Variants in ADGRE5 observed in about 807,000 individuals in gnomAD.
ADGRE5 encodes the protein adhesion G protein-coupled receptor E5.
A neutral mutation model predicts 100.3 loss-of-function variants in ADGRE5; 72 were observed. That is an observed-to-expected ratio of 0.72 (90% CI 0.59 to 0.87). ADGRE5 has a LOEUF of 0.87. ADGRE5 is among the 40% of genes least tolerant of loss of function. The probability of loss-of-function intolerance (pLI) is 0.00; values close to 1 mark genes in which losing one functional copy is unlikely to be tolerated. For synonymous variants in ADGRE5, 439 were observed against 447.8 expected, an observed-to-expected ratio of 0.98 and a Z score of 0.25; for missense variants, 959 against 1,094.7, an observed-to-expected ratio of 0.88 and a Z score of 1.75.
rs754327509 is a variant in ADGRE5 at position 14,396,409 on chromosome 19, C to T, written c.414C>T (p.Gly138=). 1 of 1,614,294 alleles carries T rather than the reference C, an allele frequency of 6.2e-7. No individual in the cohort carries two copies. The highest frequency in any genetic ancestry group is 2.2e-5 in the East Asian group (1 of 44,892). The change falls in exon 5 of 20, where the codon GGC becomes GGT. Residue 138 remains glycine, a synonymous_variant. Coordinates refer to ENST00000242786, the MANE Select transcript of ADGRE5 (RefSeq NM_078481.4). ...KSYGTCVNTL[G]SYTCQCLPGF... ...ACGGCACCTGCGTCAACACCCTTGG[C>T]AGCTATACCTGCCAGTGCCTGCCTG... is the stretch of plus-strand genomic sequence containing the variant.
At chr19:14,403,204 C>G (rs544028365) in intron 12 of ADGRE5, among the ~76,000 whole-genome samples, 4 of 151,474 alleles carry the variant, frequency 2.6e-5, no homozygotes, top group African/African-American at 9.7e-5. Context: ...CACCACACCT[C>G]GCTGATTTTG....
In ADGRE5 at chr19:14,407,940, A is replaced by C. The variant is rs770364806; in HGVS notation, c.2409A>C (p.Leu803=). ...VREEYRKWAC[L]VAGGSKYSEF... ...AAGAATACCGGAAGTGGGCCTGCCTAGTTGCTGGGGGGAGCAAGTACTCAG... is the reference window on the plus strand; with the variant it reads ...AAGAATACCGGAAGTGGGCCTGCCTCGTTGCTGGGGGGAGCAAGTACTCAG... Residue 803 remains leucine, a synonymous_variant, in exon 19 of 20, where the codon CTA becomes CTC. Coordinates refer to ENST00000242786, the MANE Select transcript of ADGRE5 (RefSeq NM_078481.4). The C allele has an allele frequency of 1.1e-5, 17 of 1,613,992 alleles. No individual in the cohort carries two copies. The highest frequency in any genetic ancestry group is 4.5e-5 in the East Asian group (2 of 44,898).
intron 3 of ADGRE5, 24 bp from the exon 4 acceptor site, chr19:14,390,900 A>G: frequency 6.2e-7 from 1 of 1,609,668 alleles, no homozygotes. Context: ...TTGGGAGGTG[A>G]CTCCCTGTCC....
intron 12 of ADGRE5, 70 bp downstream of exon 12, chr19:14,402,932 G>A: frequency 1.3e-6 from 2 of 1,509,848 alleles, no homozygotes; most frequent in Non-Finnish European, 1.8e-6. Flanking sequence ...CCTCTCTCTG[G>A]GATGCTCTTT....
At chr19:14,389,251 G>A (rs1459717087) in intron 3 of ADGRE5, among the ~76,000 whole-genome samples, 1 of 11,212 alleles carries the variant, frequency 8.9e-5, no homozygotes, top group African/African-American at 6.2e-4. Flanking sequence ...GAGGGGGATG[G>A]GGAGGGAGAG....
rs1976384701 is a variant in ADGRE5, at chr19:14,408,509, G to C, written c.*388G>C. The C allele has an allele frequency of 2.1e-6, 1 of 467,816 alleles. No homozygotes were observed. The highest frequency in any genetic ancestry group is 3.0e-5 in the South Asian group (1 of 33,200). The allele number at this position is 467,816 out of a possible 1,614,324, so 29.0% of individuals were successfully genotyped here. On this transcript the variant is annotated 3_prime_UTR_variant, in exon 20 of 20. Transcript: ENST00000242786. ...GCAGAACTGAAGAGACTAGGCGCTG[G>C]GGCTCAGCTTCCCTCTTAAGCTAAG...
At position 14,408,131 on chromosome 19, in the gene ADGRE5, G is replaced by T; in HGVS notation, c.*10G>T. The T allele has an allele frequency of 6.2e-7, 1 of 1,612,560 alleles. No individual in the cohort carries two copies. The highest frequency in any genetic ancestry group is 8.5e-7 in the Non-Finnish European group (1 of 1,179,912). ...AGAGTCCGGCATATGAAGGCGCATGGTTCTGGACGGCCCAGCAGCTCCTGT... is the reference window on the plus strand; with the variant it reads ...AGAGTCCGGCATATGAAGGCGCATGTTTCTGGACGGCCCAGCAGCTCCTGT... On this transcript the variant is annotated 3_prime_UTR_variant, in exon 20 of 20. Transcript: ENST00000242786.
chr19:14,397,029 G>A (rs948213497), intron 5 of ADGRE5, 48 bp from the exon 6 acceptor site: 14 of 1,547,062 alleles, frequency 9.0e-6, no homozygotes, highest in Non-Finnish European at 1.2e-5. Context: ...TGGAGGGCAG[G>A]CCCAGGCTGG....
intron 13 of ADGRE5, chr19:14,405,531 G>T (rs75181453): frequency 1.2e-5 from 6 of 511,954 alleles, no homozygotes; most frequent in Non-Finnish European, 3.4e-6. Flanking sequence ...GGCAGAGAAG[G>T]GGGGCGCCTG....
At chr19:14,398,350 A>C in intron 9 of ADGRE5, 5 of 568,048 alleles carry the variant, frequency 8.8e-6, no homozygotes, top group East Asian at 3.0e-5. Context: ...ACCAGGTATA[A>C]TGGCAACAGA....
rs576870716 is a variant in ADGRE5 at position 14,388,299 on chromosome 19, T to C, written c.23-151T>C. On this transcript the variant is annotated intron_variant, in intron 1 of 19. Transcript: ENST00000242786. ...GACAGACTCTTTGGCTTTGAGCATCTGAGTGGGACATGACATCTGCTCACT... is the reference window on the plus strand; with the variant it reads ...GACAGACTCTTTGGCTTTGAGCATCCGAGTGGGACATGACATCTGCTCACT... 962 of 1,402,548 alleles carry C rather than the reference T, an allele frequency of 6.9e-4. 2 individuals carry two copies. Among genetic ancestry groups the C allele is most frequent in the Admixed American group, 3.2e-3 (128 of 40,174 alleles). The allele number at this position is 1,402,548 out of a possible 1,614,324, so 86.9% of individuals were successfully genotyped here. A position where few individuals can be genotyped will look rare whatever the true frequency, so the allele number is the denominator to read the frequency against.
In ADGRE5 at chr19:14,390,971, T is replaced by G; in HGVS notation, c.238T>G (p.Ser80Ala). The G allele has an allele frequency of 6.2e-7, 1 of 1,614,210 alleles. No individual in the cohort carries two copies. Among genetic ancestry groups the G allele is most frequent in the Admixed American group, 1.7e-5 (1 of 60,012 alleles). Residue 80 changes from serine to alanine, a missense_variant, in exon 4 of 20, where the codon TCG becomes GCG. Ser to Ala is a moderately conservative substitution (Grantham distance 99). Coordinates refer to ENST00000242786, the MANE Select transcript of ADGRE5 (RefSeq NM_078481.4). Reference protein sequence around the residue: ...TPSKVSCGKFSDCWNTEGSYD... With the variant: ...TPSKVSCGKFADCWNTEGSYD... ...GTCGAAAGTGTCATGCGGAAAATTC[T>G]CGGACTGCTGGAACACAGAGGGGAG... is the stretch of plus-strand genomic sequence containing the variant.
At position 14,405,781 on chromosome 19, in the gene ADGRE5, C is replaced by A; in HGVS notation, c.1663C>A (p.Leu555Met). ...GCTGACCCTGATCACCAGGGTGGGA[C>A]TGGCGCTGTCACTCTTCTGCCTGCT... ...WKLTLITRVG[L>M]ALSLFCLLLC... Residue 555 changes from leucine to methionine, a missense_variant, in exon 14 of 20, where the codon CTG (leucine) becomes ATG (methionine). Leu to Met is a conservative substitution (Grantham distance 15, BLOSUM62 2). Transcript: ENST00000242786. The A allele has an allele frequency of 6.2e-7, 1 of 1,613,796 alleles. No homozygotes were observed. The highest frequency in any genetic ancestry group is 8.5e-7 in the Non-Finnish European group (1 of 1,179,914).
At position 14,397,892 on chromosome 19, in the gene ADGRE5, T is replaced by C. The variant is rs1975844458; in HGVS notation, c.776T>C (p.Met259Thr). 4.6e-6 allele frequency: 5 copies of C among 1,089,470 alleles called. No homozygotes were observed. The highest frequency in any genetic ancestry group is 6.4e-6 in the Non-Finnish European group (5 of 781,990). The allele number at this position is 1,089,470 out of a possible 1,614,324, so 67.5% of individuals were successfully genotyped here. A position where few individuals can be genotyped will look rare whatever the true frequency, so the allele number is the denominator to read the frequency against. Residue 259 changes from methionine to threonine, a missense_variant, in exon 8 of 20, where the codon ATG (methionine) becomes ACG (threonine). Physicochemically the swap from Met to Thr is moderately conservative, Grantham distance 81. Transcript: ENST00000242786. ...CCGCTTGTCTTGTTCCCTACAGATA[T>C]GACTTTCTCCACCTGGACCCCGCCC... The part of the protein sequence containing the change: ...NNQKDTVCED[M>T]TFSTWTPPPG...
At chr19:14,384,836 T>C (rs973687928) in intron 1 of ADGRE5, among the ~76,000 whole-genome samples, 7 of 151,668 alleles carry the variant, frequency 4.6e-5, no homozygotes, top group Non-Finnish European at 8.8e-5. Flanking sequence ...CGTGTCTCTG[T>C]CTCCTCTGTC....
chr19:14,403,914 T>A (rs960823251), intron 12 of ADGRE5, among the ~76,000 whole-genome samples: 4 of 137,668 alleles, frequency 2.9e-5, no homozygotes, highest in Non-Finnish European at 4.6e-5. Context: ...TTCACTCTTG[T>A]CATCCAGGCT....
At chr19:14,407,269 C>T (rs768449142) in intron 18 of ADGRE5, 40 bp downstream of exon 18, 1 of 1,610,000 alleles carries the variant, frequency 6.2e-7, no homozygotes, top group Admixed American at 1.7e-5. Context: ...TGTCATCCTC[C>T]CACCTATTTG....
intron 1 of ADGRE5, among the ~76,000 whole-genome samples, chr19:14,382,691 T>C (rs1476108494): frequency 6.7e-6 from 1 of 150,214 alleles, no homozygotes; most frequent in Admixed American, 6.7e-5. Flanking sequence ...ATCGAGACGT[T>C]GTCTCTACCA....
chr19:14,407,917 G>C lies in ADGRE5; in HGVS notation c.2386G>C (p.Glu796Gln), dbSNP rs748268291. ...HCLLNKKVRE[E>Q]YRKWACLVAG... Reference sequence around the variant, plus strand: ...GTGTCTGGGCCGGCAGGTTCGGGAAGAATACCGGAAGTGGGCCTGCCTAGT... The same window carrying C: ...GTGTCTGGGCCGGCAGGTTCGGGAACAATACCGGAAGTGGGCCTGCCTAGT... The change falls in exon 19 of 20, where the codon GAA (glutamate) becomes CAA (glutamine). Residue 796 changes from glutamate to glutamine, a missense_variant. Physicochemically the swap from Glu to Gln is conservative, Grantham distance 29. Around this residue, in one of 6 missense-constraint regions of ADGRE5, gnomAD observed 428 missense variants for 386.2 expected, o/e 1.11. Coordinates refer to ENST00000242786, the MANE Select transcript of ADGRE5 (RefSeq NM_078481.4). The C allele has an allele frequency of 4.3e-6, 7 of 1,613,942 alleles. No individual in the cohort carries two copies. Among genetic ancestry groups the C allele is most frequent in the Non-Finnish European group, 5.9e-6 (7 of 1,180,010 alleles).
Sources: allele counts gnomAD v4.1 joint callset (sites outside exome capture counted in the v4.1 genomes callset), GRCh38; gene constraint gnomAD v4.1.1; regional missense constraint gnomAD v4.1.1; transcripts MANE v1.5; gene names NCBI Gene and HGNC (gene_info 2026-07-23, HGNC 2026-07-21).